Variants in SH3GL1 observed in about 807,000 individuals in gnomAD.
The protein encoded by SH3GL1 is endophilin-A2.
A neutral mutation model predicts 48.8 loss-of-function variants in SH3GL1; 21 were observed. That is an observed-to-expected ratio of 0.43 (90% CI 0.30 to 0.62). The LOEUF (loss-of-function observed/expected upper bound fraction) is 0.62. Among genes scored for constraint, SH3GL1 ranks in the 20% least tolerant of loss-of-function variants. The probability of loss-of-function intolerance (pLI) is 0.11; values close to 1 mark genes in which losing one functional copy is unlikely to be tolerated. For missense variants in SH3GL1, 454 were observed against 503.0 expected (o/e 0.90, Z 0.93); for synonymous variants, 282 against 217.5 (o/e 1.30, Z -2.61).
At chr19:4,370,826 C>T (rs1193110098) in intron 1 of SH3GL1, among the ~76,000 whole-genome samples, 1 of 152,254 alleles carries the variant, frequency 6.6e-6, no homozygotes, top group East Asian at 1.9e-4. Flanking sequence ...GGGAGAGGCC[C>T]CGGCTCAGTC....
Position 4,362,622 on chromosome 19 carries a change from G to C in SH3GL1, c.843C>G (p.Pro281=), listed in dbSNP as rs757847136. 1.2e-6 allele frequency: 2 copies of C among 1,613,724 alleles called. No homozygotes were observed. The highest frequency in any genetic ancestry group is 1.7e-6 in the Non-Finnish European group (2 of 1,179,980). The change falls in exon 8 of 10, where the codon CCC becomes CCG. Residue 281 remains proline (P), a synonymous_variant. Coordinates refer to ENST00000269886, the MANE Select transcript of SH3GL1 (RefSeq NM_003025.4). ...TCCATGCCCCATTACCTGCGATCTTGGGGGCTGTGGTGCAGGGGAAGCCCC... is the reference window on the plus strand; with the variant it reads ...TCCATGCCCCATTACCTGCGATCTTCGGGGCTGTGGTGCAGGGGAAGCCCC... ...SNGGFPCTTA[P]KIAASSSFRS...
At chr19:4,368,339 G>C (rs1972826408) in intron 1 of SH3GL1, among the ~76,000 whole-genome samples, 1 of 152,358 alleles carries the variant, frequency 6.6e-6, no homozygotes, top group African/African-American at 2.4e-5. Flanking sequence ...AGTGACCCAA[G>C]AGCAGGAAGT....
intron 1 of SH3GL1, among the ~76,000 whole-genome samples, chr19:4,390,876 C>G (rs185259249): frequency 3.2e-4 from 48 of 152,282 alleles, no homozygotes; most frequent in African/African-American, 1.2e-3. Flanking sequence ...AGCGCCGAAA[C>G]CTGCGGCTGC....
chr19:4,400,254 G>A lies in SH3GL1; in HGVS notation c.45+70C>T. ...TCCCCCCGGCCCCCTCCCGGGCCAG[G>A]TCGGGCCTGGCTCCCTCATCCGGGC... On this transcript the variant is annotated intron_variant, in intron 1 of 9. Transcript: ENST00000269886. The surrounding 1 kb of genome is among the most constrained non-coding windows in gnomAD (Gnocchi z 4.1). The A allele has an allele frequency of 6.5e-7, 1 of 1,531,996 alleles. No individual in the cohort carries two copies. Among genetic ancestry groups the A allele is most frequent in the Non-Finnish European group, 8.8e-7 (1 of 1,133,182 alleles). 94.9% of individuals were successfully genotyped at this position (1,531,996 alleles called of 1,614,324 possible). A position where few individuals can be genotyped will look rare whatever the true frequency, so the allele number is the denominator to read the frequency against.
intron 4 of SH3GL1, among the ~76,000 whole-genome samples, chr19:4,365,064 C>T (rs1972742100): frequency 6.6e-6 from 1 of 151,978 alleles, no homozygotes; most frequent in South Asian, 2.1e-4. Context: ...CCCATCCCAA[C>T]TTCTAACAGC....
At chr19:4,378,471 T>C (rs1206093547) in intron 1 of SH3GL1, among the ~76,000 whole-genome samples, 3 of 152,046 alleles carry the variant, frequency 2.0e-5, no homozygotes, top group South Asian at 2.1e-4. Flanking sequence ...TCCCAGCACT[T>C]TGGGAAACCG....
At chr19:4,363,012 C>T (rs1476729007) in intron 7 of SH3GL1, among the ~76,000 whole-genome samples, 1 of 152,182 alleles carries the variant, frequency 6.6e-6, no homozygotes, top group Non-Finnish European at 1.5e-5. Context: ...CATCCCCTGC[C>T]TCCTCCCCCA....
At chr19:4,370,987 A>C (rs1366971502) in intron 1 of SH3GL1, among the ~76,000 whole-genome samples, 1 of 152,136 alleles carries the variant, frequency 6.6e-6, no homozygotes, top group African/African-American at 2.4e-5. Context: ...TCCCACCTGC[A>C]CCCGCCACCT....
At chr19:4,388,357 C>T (rs1191646205) in intron 1 of SH3GL1, among the ~76,000 whole-genome samples, 1 of 152,144 alleles carries the variant, frequency 6.6e-6, no homozygotes, top group Admixed American at 6.5e-5. Flanking sequence ...GTCTGCGAGT[C>T]GTGGGAGTGT....
intron 1 of SH3GL1, among the ~76,000 whole-genome samples, chr19:4,399,242 C>T (rs1179828842): frequency 7.1e-6 from 1 of 141,494 alleles, no homozygotes; most frequent in African/African-American, 2.7e-5. Flanking sequence ...ATTGCTTGAA[C>T]ACAGGAGGCG....
intron 2 of SH3GL1, 105 bp downstream of exon 2, chr19:4,366,821 C>T (rs1177839879): frequency 9.2e-6 from 11 of 1,189,576 alleles, no homozygotes; most frequent in Non-Finnish European, 1.3e-5. Flanking sequence ...CGGGCCCCAT[C>T]ACTCCAGACC....
chr19:4,375,234 C>A (rs1335497107), intron 1 of SH3GL1, among the ~76,000 whole-genome samples: 3 of 152,282 alleles, frequency 2.0e-5, no homozygotes, highest in Middle Eastern at 3.4e-3. Flanking sequence ...CCCTCCAGCC[C>A]CCACCTGGCC....
intron 1 of SH3GL1, among the ~76,000 whole-genome samples, chr19:4,382,958 G>A (rs973397759): frequency 5.9e-5 from 9 of 151,808 alleles, no homozygotes; most frequent in African/African-American, 1.7e-4. Flanking sequence ...TCACTCTGTC[G>A]CCCAGGCTGG....
chr19:4,361,735 C>T lies in SH3GL1; in HGVS notation c.972G>A (p.Glu324=), dbSNP rs963240023. Residue 324 remains glutamate (E), a synonymous_variant, in exon 10 of 10, where the codon GAG becomes GAA. Transcript: ENST00000269886. ...LYDFEPENDG[E]LGFHEGDVIT... ...TGACGTCGCCCTCATGGAAGCCCAG[C>T]TCCCCGTCGTTCTCGGGCTCGAAGT... 3 of 1,613,124 alleles carry T rather than the reference C, an allele frequency of 1.9e-6. No homozygotes were observed. The highest frequency in any genetic ancestry group is 2.2e-5 in the East Asian group (1 of 44,878).
At chr19:4,371,009 G>A (rs1283236521) in intron 1 of SH3GL1, among the ~76,000 whole-genome samples, 1 of 152,240 alleles carries the variant, frequency 6.6e-6, no homozygotes, top group Non-Finnish European at 1.5e-5. Flanking sequence ...CATGCCGCAT[G>A]GATTTTCTGC....
At chr19:4,384,189 C>T (rs529974437) in intron 1 of SH3GL1, among the ~76,000 whole-genome samples, 4 of 152,256 alleles carry the variant, frequency 2.6e-5, no homozygotes, top group South Asian at 2.1e-4. Context: ...ATGTTACATC[C>T]GTGAGGAGGA....
At chr19:4,382,537 G>A (rs1030790110) in intron 1 of SH3GL1, among the ~76,000 whole-genome samples, 5 of 151,694 alleles carry the variant, frequency 3.3e-5, no homozygotes, top group African/African-American at 9.7e-5. Context: ...GATTACAGGC[G>A]TGAGCCACCG....
rs577194193 is a variant in SH3GL1, at chr19:4,373,974, T to C, written c.46-6980A>G. ...GCCATTCATGCCGTCTCTCAGGCTG[T>C]CGGGCCCTGCCCTGCCTGACTCCTG... On this transcript the variant is annotated intron_variant, in intron 1 of 9. Transcript: ENST00000269886. Among the ~76,000 whole-genome samples the C allele has an allele frequency of 5.3e-5, 8 of 152,376 alleles. No individual in the cohort carries two copies. The South Asian group carries it at 1.7e-3, about 32-fold the overall frequency.
At chr19:4,371,459 G>A (rs955161624) in intron 1 of SH3GL1, among the ~76,000 whole-genome samples, 7 of 152,246 alleles carry the variant, frequency 4.6e-5, no homozygotes, top group Non-Finnish European at 7.3e-5. Flanking sequence ...ACATCTCAGC[G>A]GGGAAACCTG....
Sources: allele counts gnomAD v4.1 joint callset (sites outside exome capture counted in the v4.1 genomes callset), GRCh38; gene constraint gnomAD v4.1.1; non-coding constraint Gnocchi (gnomAD v3.1); transcripts MANE v1.5; gene names NCBI Gene and HGNC (gene_info 2026-07-23, HGNC 2026-07-21).